EHBP1: variants seen among roughly 807,000 people sequenced by gnomAD.
EHBP1 encodes the protein EH domain-binding protein 1.
In EHBP1, 55 loss-of-function variants were observed where a neutral mutation model predicts 144.0. That is an observed-to-expected ratio of 0.38 (90% CI 0.31 to 0.48). EHBP1 has a LOEUF of 0.48. Ranked by LOEUF, EHBP1 falls within the 20% of genes least tolerant of loss-of-function variation. The probability of loss-of-function intolerance (pLI) is 0.98; values close to 1 mark genes in which losing one functional copy is unlikely to be tolerated. For missense variants in EHBP1, 1,200 were observed against 1,364.2 expected, an observed-to-expected ratio of 0.88 and a Z score of 1.90; for synonymous variants, 469 against 472.7, an observed-to-expected ratio of 0.99 and a Z score of 0.10.
chr2:62,973,132 T>A (rs1009984786), intron 14 of EHBP1, among the ~76,000 whole-genome samples: 4 of 152,132 alleles, frequency 2.6e-5, no homozygotes, highest in African/African-American at 9.7e-5. Context: ...GGGAGTATTA[T>A]GGGGGGTAGA....
intron 10 of EHBP1, among the ~76,000 whole-genome samples, chr2:62,919,372 A>G (rs1309484582): frequency 6.6e-6 from 1 of 152,160 alleles, no homozygotes; most frequent in East Asian, 1.9e-4. Flanking sequence ...AAGCAACCAT[A>G]TATATAGGGG....
intron 19 of EHBP1, among the ~76,000 whole-genome samples, chr2:63,002,790 C>T (rs2059901054): frequency 1.3e-5 from 2 of 152,048 alleles, no homozygotes; most frequent in African/African-American, 4.8e-5. Context: ...ACAGACTTAT[C>T]TTGTTATTAT....
chr2:62,729,515 AAT>A (rs2037253617), intron 2 of EHBP1, among the ~76,000 whole-genome samples: 1 of 34,038 alleles, frequency 2.9e-5, no homozygotes, highest in African/African-American at 1.3e-4. Context: ...AATATAATAA[AAT>A]AAATAAATAT....
intron 4 of EHBP1, among the ~76,000 whole-genome samples, chr2:62,770,834 T>C (rs985605648): frequency 6.6e-6 from 1 of 152,206 alleles, no homozygotes; most frequent in Admixed American, 6.5e-5. Context: ...TAAAAAGGAA[T>C]GAGATCATGC....
chr2:63,039,053 A>G (rs1400788530), intron 21 of EHBP1, among the ~76,000 whole-genome samples: 2 of 152,238 alleles, frequency 1.3e-5, no homozygotes, highest in East Asian at 3.8e-4. Flanking sequence ...CTTTTGATTC[A>G]GTAAGCTTAT....
At chr2:63,029,634 T>C (rs1049662214) in intron 19 of EHBP1, among the ~76,000 whole-genome samples, 1 of 152,104 alleles carries the variant, frequency 6.6e-6, no homozygotes, top group African/African-American at 2.4e-5. Context: ...GTAATACCAT[T>C]ATCCATATAG....
intron 5 of EHBP1, among the ~76,000 whole-genome samples, chr2:62,789,700 T>A (rs572563401): frequency 6.6e-6 from 1 of 152,206 alleles, no homozygotes; most frequent in South Asian, 2.1e-4. Context: ...GCACTGGCAG[T>A]CTCATACCCA....
intron 5 of EHBP1, among the ~76,000 whole-genome samples, chr2:62,811,926 TG>T (rs1430678566): frequency 6.6e-6 from 1 of 152,170 alleles, no homozygotes; most frequent in African/African-American, 2.4e-5. Context: ...GTTCTTGTGT[TG>T]GAAATGTAAT....
At chr2:62,894,452 A>G (rs1053085645) in intron 10 of EHBP1, among the ~76,000 whole-genome samples, 3 of 151,976 alleles carry the variant, frequency 2.0e-5, no homozygotes, top group African/African-American at 7.3e-5. Context: ...CAGAGATGAC[A>G]ATTGATCTGA....
chr2:62,935,628 A>T (rs1357225657), intron 10 of EHBP1, among the ~76,000 whole-genome samples: 1 of 152,038 alleles, frequency 6.6e-6, no homozygotes, highest in Non-Finnish European at 1.5e-5. Context: ...TACATACTCA[A>T]TTATATTATT....
intron 5 of EHBP1, among the ~76,000 whole-genome samples, chr2:62,798,531 G>A (rs938861126): frequency 1.1e-4 from 16 of 152,210 alleles, no homozygotes; most frequent in East Asian, 1.9e-4. Context: ...TGAGAAAGTC[G>A]ATGAACTTGG....
chr2:62,955,611 A>ATATT lies in EHBP1; in HGVS notation c.2411_2412insTATT (p.Lys804AsnfsTer18). On this transcript the variant is annotated frameshift_variant, in exon 14 of 23. Transcript: ENST00000431489. LOFTEE classifies it high-confidence loss of function. ...GATGCAGCCTTAAAGGCGGGGAATAAGCACAATACCAACACAGCCACCCCA... is the reference window on the plus strand; with the variant it reads ...GATGCAGCCTTAAAGGCGGGGAATAATATTGCACAATACCAACACAGCCACCCCA... The ATATT allele has an allele frequency of 6.2e-7, 1 of 1,612,476 alleles. No homozygotes were observed. The highest frequency in any genetic ancestry group is 8.5e-7 in the Non-Finnish European group (1 of 1,178,996).
chr2:62,943,893 G>T, intron 12 of EHBP1, 43 bp downstream of exon 12: 1 of 1,487,030 alleles, frequency 6.7e-7, no homozygotes, highest in Non-Finnish European at 9.3e-7. Context: ...TTCAATTTTG[G>T]CTTCTCTGCA....
chr2:63,004,806 A>G (rs1430809384), intron 19 of EHBP1, among the ~76,000 whole-genome samples: 1 of 152,102 alleles, frequency 6.6e-6, no homozygotes. Flanking sequence ...AATTACATGT[A>G]CACCAAAATA....
At chr2:62,903,197 G>A (rs2053546516) in intron 10 of EHBP1, among the ~76,000 whole-genome samples, 1 of 152,148 alleles carries the variant, frequency 6.6e-6, no homozygotes, top group African/African-American at 2.4e-5. Flanking sequence ...GAATGAAATT[G>A]TTATGTCTAT....
At chr2:62,845,778 G>A (rs1001082895) in intron 7 of EHBP1, among the ~76,000 whole-genome samples, 2 of 151,448 alleles carry the variant, frequency 1.3e-5, no homozygotes, top group Admixed American at 6.6e-5. Flanking sequence ...TGAGAGGATC[G>A]CCTTAGCCAA....
At chr2:62,941,318 G>C (rs891034855) in intron 10 of EHBP1, among the ~76,000 whole-genome samples, 2 of 151,996 alleles carry the variant, frequency 1.3e-5, no homozygotes. Context: ...TTTTTCTAAA[G>C]TAAATGTAGT....
chr2:62,845,646 A>G (rs1412026715), intron 7 of EHBP1, among the ~76,000 whole-genome samples: 1 of 151,622 alleles, frequency 6.6e-6, no homozygotes, highest in Non-Finnish European at 1.5e-5. Flanking sequence ...TCCACCCACC[A>G]GTACCTAGGC....
chr2:62,715,530 A>T (rs1181126428), intron 2 of EHBP1, among the ~76,000 whole-genome samples: 1 of 151,984 alleles, frequency 6.6e-6, no homozygotes, highest in East Asian at 1.9e-4. Context: ...AATAAAGATT[A>T]TATTTTCCAG....
Sources: allele counts gnomAD v4.1 joint callset (sites outside exome capture counted in the v4.1 genomes callset), GRCh38; gene constraint gnomAD v4.1.1; transcripts MANE v1.5; gene names NCBI Gene and HGNC (gene_info 2026-07-23, HGNC 2026-07-21).